The following PHF21A variants were observed in gnomAD, a reference collection of about 807,000 sequenced individuals.
PHF21A encodes the protein PHD finger protein 21A.
Under a neutral mutation model 82.5 loss-of-function variants are expected in PHF21A, and 11 were observed. The observed-to-expected ratio is 0.13, with a 90% CI of 0.08 to 0.22. PHF21A has a LOEUF of 0.22. Among genes scored for constraint, PHF21A ranks in the 10% least tolerant of loss-of-function variants. PHF21A has a pLI of 1.00. For synonymous variants in PHF21A, 297 were observed against 302.8 expected, an observed-to-expected ratio of 0.98 and a Z score of 0.20; for missense variants, 579 against 837.8, an observed-to-expected ratio of 0.69 and a Z score of 3.81.
At chr11:45,960,786 A>G (rs1253998185) in intron 10 of PHF21A, among the ~76,000 whole-genome samples, 1 of 152,256 alleles carries the variant, frequency 6.6e-6, no homozygotes, top group Non-Finnish European at 1.5e-5. Flanking sequence ...ATTATAAACC[A>G]TGATGCAGAC....
intron 6 of PHF21A, among the ~76,000 whole-genome samples, chr11:46,042,255 C>A (rs1592383952): frequency 6.6e-6 from 1 of 152,114 alleles, no homozygotes; most frequent in South Asian, 2.1e-4. Context: ...AAGGCATATT[C>A]CATATTTTTA....
chr11:46,087,377 C>T (rs998622914), intron 3 of PHF21A, among the ~76,000 whole-genome samples: 4 of 152,182 alleles, frequency 2.6e-5, no homozygotes, highest in African/African-American at 9.7e-5. Context: ...TTACTTTCTC[C>T]ATCAGATTGT....
At chr11:46,015,291 G>T (rs1326658018) in intron 6 of PHF21A, among the ~76,000 whole-genome samples, 1 of 152,094 alleles carries the variant, frequency 6.6e-6, no homozygotes, top group Non-Finnish European at 1.5e-5. Flanking sequence ...CCATTCTGTA[G>T]GTTGTCTGTT....
At chr11:46,009,692 A>G (rs1381197282) in intron 6 of PHF21A, among the ~76,000 whole-genome samples, 1 of 152,228 alleles carries the variant, frequency 6.6e-6, no homozygotes, top group Non-Finnish European at 1.5e-5. Context: ...GCAGAGCCAG[A>G]GCAGACTTCC....
chr11:46,030,114 A>C (rs1171834325), intron 6 of PHF21A, among the ~76,000 whole-genome samples: 2 of 152,224 alleles, frequency 1.3e-5, no homozygotes, highest in African/African-American at 2.4e-5. Context: ...AATCAACGCT[A>C]AACAATAGAG....
intron 10 of PHF21A, among the ~76,000 whole-genome samples, chr11:45,962,497 A>C (rs1189025502): frequency 6.6e-6 from 1 of 152,138 alleles, no homozygotes; most frequent in Non-Finnish European, 1.5e-5. Context: ...GTCTAAAGAG[A>C]GTCTCTGCTG....
chr11:46,009,188 GATCTCC>G (rs1490712184), intron 6 of PHF21A, among the ~76,000 whole-genome samples: 1 of 151,966 alleles, frequency 6.6e-6, no homozygotes, highest in Non-Finnish European at 1.5e-5. Flanking sequence ...TAGCCAGGCT[GATCTCC>G]AACTCCCGAC....
At chr11:45,940,870 C>T (rs139311048) in intron 15 of PHF21A, among the ~76,000 whole-genome samples, 5 of 152,292 alleles carry the variant, frequency 3.3e-5, no homozygotes, top group African/African-American at 9.6e-5. Context: ...AACGAAGAGG[C>T]GTTCACTTTC....
chr11:46,007,322 T>C (rs11820877), intron 6 of PHF21A, among the ~76,000 whole-genome samples: 18,266 of 151,612 alleles, frequency 0.12, 1,315 homozygotes, highest in African/African-American at 0.21. Flanking sequence ...TCTTCTTCTT[T>C]TTTTTTTTTT....
At chr11:46,034,745 C>A (rs982912730) in intron 6 of PHF21A, among the ~76,000 whole-genome samples, 2 of 152,102 alleles carry the variant, frequency 1.3e-5, no homozygotes, top group Admixed American at 6.5e-5. Context: ...GACACACGCA[C>A]CTGCAGAAAC....
chr11:45,992,997 C>T (rs533502077), intron 6 of PHF21A, among the ~76,000 whole-genome samples: 84 of 152,278 alleles, frequency 5.5e-4, no homozygotes, highest in African/African-American at 1.9e-3. Flanking sequence ...CTGAAAACTA[C>T]CTTGCTGAAG....
chr11:46,022,602 C>A (rs1255251221), intron 6 of PHF21A, among the ~76,000 whole-genome samples: 2 of 152,200 alleles, frequency 1.3e-5, no homozygotes, highest in Non-Finnish European at 2.9e-5. Flanking sequence ...GCTGGGACTA[C>A]AGGCACATGC....
chr11:46,042,223 A>G (rs747832010), intron 6 of PHF21A, among the ~76,000 whole-genome samples: 3 of 152,202 alleles, frequency 2.0e-5, no homozygotes, highest in Non-Finnish European at 2.9e-5. Context: ...GGAAAGCCAC[A>G]TGACAAAACA....
intron 6 of PHF21A, among the ~76,000 whole-genome samples, chr11:45,992,870 T>G (rs977467691): frequency 1.3e-5 from 2 of 152,212 alleles, no homozygotes; most frequent in African/African-American, 4.8e-5. Flanking sequence ...TTAACCCCTG[T>G]CACATAAGAC....
chr11:45,957,751 C>CAAAAAAA, intron 10 of PHF21A, among the ~76,000 whole-genome samples: 986 of 59,514 alleles, frequency 0.017, no homozygotes, highest in Middle Eastern at 0.039. Context: ...AAATTCAAAG[C>CAAAAAAA]AAAAAAAAAA....
chr11:46,062,100 T>C (rs1196939235), intron 6 of PHF21A, among the ~76,000 whole-genome samples: 1 of 152,110 alleles, frequency 6.6e-6, no homozygotes, highest in Non-Finnish European at 1.5e-5. Context: ...TTGTTTTTTT[T>C]TTTCCTCTAA....
In PHF21A at chr11:45,945,919, T is replaced by A; in HGVS notation, c.1373A>T (p.Glu458Val). The A allele has an allele frequency of 6.2e-7, 1 of 1,612,972 alleles. No individual in the cohort carries two copies. The highest frequency in any genetic ancestry group is 8.5e-7 in the Non-Finnish European group (1 of 1,179,556). The change falls in exon 15 of 19, where the codon GAA becomes GTA. Residue 458 changes from glutamate (E) to valine (V), a missense_variant. Glu to Val is a moderately radical substitution (Grantham distance 121). Around this residue, in one of 3 missense-constraint regions of PHF21A, gnomAD observed 410 missense variants for 642.1 expected, o/e 0.64. Transcript: ENST00000676320. Reference protein sequence around the residue: ...SPQSSHPDSPENEKTETTFTF... With the variant: ...SPQSSHPDSPVNEKTETTFTF... ...GAATGTGGTCTCTGTCTTTTCATTTTCAGGGGAGTCAGGATGACTGGATTG... is the reference window on the plus strand; with the variant it reads ...GAATGTGGTCTCTGTCTTTTCATTTACAGGGGAGTCAGGATGACTGGATTG...
At chr11:46,053,080 A>C (rs1452640899) in intron 6 of PHF21A, among the ~76,000 whole-genome samples, 1 of 152,228 alleles carries the variant, frequency 6.6e-6, no homozygotes, top group African/African-American at 2.4e-5. Context: ...TATTATTCTA[A>C]GGGCAGAACT....
At chr11:45,955,885 G>C (rs2135639569) in intron 10 of PHF21A, among the ~76,000 whole-genome samples, 1 of 152,244 alleles carries the variant, frequency 6.6e-6, no homozygotes, top group East Asian at 1.9e-4. Context: ...CATGTGATGA[G>C]CTCAGATGTG....
Sources: gnomAD v4.1 joint callset for allele counts (sites outside exome capture counted in the v4.1 genomes callset) on GRCh38, gnomAD v4.1.1 for gene constraint, gnomAD v4.1.1 regional missense constraint, MANE v1.5 for transcripts, NCBI Gene and HGNC (gene_info 2026-07-23, HGNC 2026-07-21) for gene names.